The following EFCAB8 variants were observed in gnomAD, a reference collection of about 807,000 sequenced individuals.
EFCAB8 encodes EF-hand calcium binding domain 8, also known as EF-hand calcium-binding domain-containing protein 8.
A neutral mutation model predicts 116.3 loss-of-function variants in EFCAB8; 100 were observed. That is an observed-to-expected ratio of 0.86 (90% CI 0.73 to 1.02). The LOEUF (loss-of-function observed/expected upper bound fraction) is 1.02, where lower values mean the gene tolerates loss of function less well. Ranked by LOEUF, EFCAB8 falls within the 50% of genes least tolerant of loss-of-function variation. The pLI is 0.00. For synonymous variants in EFCAB8, 558 were observed against 567.9 expected, an observed-to-expected ratio of 0.98 and a Z score of 0.25; for missense variants, 1,320 against 1,416.9, an observed-to-expected ratio of 0.93 and a Z score of 1.10.
At chr20:32,936,436 TAC>T (rs1240776038) in intron 22 of EFCAB8, among the ~76,000 whole-genome samples, 2 of 152,210 alleles carry the variant, frequency 1.3e-5, no homozygotes, top group Admixed American at 6.6e-5. Context: ...CTAGTTGTTT[TAC>T]AGTCTCAGAT....
chr20:32,942,116 A>C lies in EFCAB8; in HGVS notation c.2791-1520A>C, dbSNP rs533983731. On this transcript the variant is annotated intron_variant, in intron 22 of 26. Transcript: ENST00000400522. ...TCTTTGACAACCTAAAGAATTTATT[A>C]GTGGTATTCATCTGAGGATCCTCTA... Among the ~76,000 whole-genome samples the C allele has an allele frequency of 1.4e-3, 209 of 152,296 alleles. 1 individual carries two copies. The highest frequency in any genetic ancestry group is 4.5e-3 in the Admixed American group (69 of 15,306).
chr20:32,885,693 C>T, intron 6 of EFCAB8, 53 bp downstream of exon 6: 2 of 1,538,242 alleles, frequency 1.3e-6, no homozygotes, highest in South Asian at 1.2e-5. Context: ...AGAGCCTCTG[C>T]CTTAGCACCC....
At position 32,911,783 on chromosome 20, in the gene EFCAB8, C is replaced by T. The variant is rs545862501; in HGVS notation, c.1785+76C>T. 5 of 1,423,660 alleles carry T rather than the reference C, an allele frequency of 3.5e-6. No homozygotes were observed. In the South Asian group the frequency reaches 6.2e-5, roughly 18 times the overall value. The allele number at this position is 1,423,660 out of a possible 1,614,324, so 88.2% of individuals were successfully genotyped here. A position where few individuals can be genotyped will look rare whatever the true frequency, so the allele number is the denominator to read the frequency against. On this transcript the variant is annotated intron_variant, in intron 16 of 26. Transcript: ENST00000400522. The stretch of plus-strand genomic sequence containing the variant: ...GCACAGCTCCTTTGACCCTGGGATG[C>T]ACTATTTTTTGTACCTCTCTGAAAG...
Position 32,961,624 on chromosome 20 carries a change from T to C in EFCAB8, c.*15T>C. ...TCAGGTTCTGAGGTGCTCCGCTGTC[T>C]TCTCTAGTCCTCCAGCAGGGCAACC... On this transcript the variant is annotated 3_prime_UTR_variant, in exon 27 of 27. Transcript: ENST00000400522. 7.8e-7 allele frequency: 1 copy of C among 1,277,480 alleles called. No individual in the cohort carries two copies. Among genetic ancestry groups the C allele is most frequent in the Non-Finnish European group, 9.9e-7 (1 of 1,006,774 alleles). The allele number at this position is 1,277,480 out of a possible 1,614,324, so 79.1% of individuals were successfully genotyped here. A position where few individuals can be genotyped will look rare whatever the true frequency, so the allele number is the denominator to read the frequency against.
chr20:32,880,291 C>T (rs1985260488), intron 5 of EFCAB8, among the ~76,000 whole-genome samples: 1 of 148,334 alleles, frequency 6.7e-6, no homozygotes, highest in African/African-American at 2.5e-5. Context: ...TTTTTTGAGA[C>T]AGAGTCTCAC....
At chr20:32,939,510 C>T (rs1488804062) in intron 22 of EFCAB8, among the ~76,000 whole-genome samples, 2 of 147,198 alleles carry the variant, frequency 1.4e-5, no homozygotes, top group Non-Finnish European at 3.0e-5. Context: ...GTCTCAAACT[C>T]CTGACTTTGT....
rs111341382 is a variant in EFCAB8 at position 32,887,180 on chromosome 20, T to G, written c.567+1540T>G. 8.7e-3 allele frequency among the ~76,000 whole-genome samples: 1,326 copies of G among 152,344 alleles called. 24 individuals are homozygous for G. The highest frequency in any genetic ancestry group is 0.03 in the African/African-American group (1,258 of 41,584). On this transcript the variant is annotated intron_variant, in intron 6 of 26. Coordinates refer to ENST00000400522, the MANE Select transcript of EFCAB8 (RefSeq NM_001143967.2). ...TCCCTATCCCTTCTGATTATCCATC[T>G]AGAGGAATTGGTTTACGCTCCTCCC...
Position 32,900,168 on chromosome 20 carries a change from C to T in EFCAB8, c.1088+1545C>T, listed in dbSNP as rs371235668. Among the ~76,000 whole-genome samples the T allele has an allele frequency of 1.9e-3, 284 of 152,240 alleles. 1 individual carries two copies. The highest frequency in any genetic ancestry group is 6.7e-3 in the African/African-American group (279 of 41,538). On this transcript the variant is annotated intron_variant, in intron 11 of 26. Coordinates refer to ENST00000400522, the MANE Select transcript of EFCAB8 (RefSeq NM_001143967.2). ...GGGCAGAAACAGAGGGCCATTTAGACCCATGTCTGTCCCTTTCTGTCCTGG... is the reference window on the plus strand; with the variant it reads ...GGGCAGAAACAGAGGGCCATTTAGATCCATGTCTGTCCCTTTCTGTCCTGG...
chr20:32,954,709 C>G (rs1321563810), intron 23 of EFCAB8, among the ~76,000 whole-genome samples: 1 of 152,092 alleles, frequency 6.6e-6, no homozygotes, highest in African/African-American at 2.4e-5. Context: ...GATGTTTTCT[C>G]TATTTCTAAT....
chr20:32,920,250 C>G, intron 20 of EFCAB8, 35 bp downstream of exon 20: 1 of 1,549,218 alleles, frequency 6.5e-7, no homozygotes, highest in African/African-American at 1.4e-5. Flanking sequence ...GGGATATGAG[C>G]TGGGGAGTGG....
At chr20:32,934,216 GAC>G (rs1988018429) in intron 22 of EFCAB8, among the ~76,000 whole-genome samples, 1 of 151,884 alleles carries the variant, frequency 6.6e-6, no homozygotes, top group Non-Finnish European at 1.5e-5. Flanking sequence ...TTTCTTTCAT[GAC>G]TGGCTTATTT....
chr20:32,908,965 A>C lies in EFCAB8; in HGVS notation c.1446+553A>C, dbSNP rs1484127473. 2.0e-5 allele frequency among the ~76,000 whole-genome samples: 3 copies of C among 152,170 alleles called. 1 individual carries two copies. Among genetic ancestry groups the C allele is most frequent in the Non-Finnish European group, 4.4e-5 (3 of 68,004 alleles). ...CCTGGAGGACAGGAAAGATTGGGAC[A>C]AGCACGAGGGGCTTCCTGTGGAGGA... On this transcript the variant is annotated intron_variant, in intron 14 of 26. Transcript: ENST00000400522.
At chr20:32,868,746 A>G (rs1984546534) in intron 3 of EFCAB8, among the ~76,000 whole-genome samples, 1 of 152,134 alleles carries the variant, frequency 6.6e-6, no homozygotes, top group Non-Finnish European at 1.5e-5. Context: ...ACAGTTTGAG[A>G]GGCCAAGGCG....
Position 32,917,382 on chromosome 20 carries a change from CCG to C in EFCAB8, c.1939_1940del (p.Arg647GlufsTer31). ...TEDILSMAKY[R>X]NQFLGTSSYS... ...AGGACATCCTGAGCATGGCCAAGTA[CCG>C]GAACCAGTTCCTTGGGACCTCCTCC... On this transcript the variant is annotated frameshift_variant, in exon 18 of 27. Transcript: ENST00000400522. LOFTEE classifies it high-confidence loss of function. The C allele has an allele frequency of 1.9e-6, 3 of 1,551,888 alleles. No individual in the cohort carries two copies. The highest frequency in any genetic ancestry group is 2.6e-6 in the Non-Finnish European group (3 of 1,147,006).
chr20:32,875,653 C>T (rs1287816614), intron 3 of EFCAB8, among the ~76,000 whole-genome samples: 4 of 151,618 alleles, frequency 2.6e-5, no homozygotes, highest in Admixed American at 1.3e-4. Flanking sequence ...TGCAGGTACC[C>T]ACCACTGTGC....
rs570914862 is a variant in EFCAB8 at position 32,915,193 on chromosome 20, C to T, written c.1857-2108C>T. On this transcript the variant is annotated intron_variant, in intron 17 of 26. Transcript: ENST00000400522. ...ACTGGGTTACAGGCATGTACCACTGCTCCTGGATTCTGCTTCCTTTTTGAT... is the reference window on the plus strand; with the variant it reads ...ACTGGGTTACAGGCATGTACCACTGTTCCTGGATTCTGCTTCCTTTTTGAT... Among the ~76,000 whole-genome samples the T allele has an allele frequency of 1.9e-4, 29 of 152,338 alleles. No individual in the cohort carries two copies. In the South Asian group the frequency reaches 5.8e-3, roughly 30 times the overall value.
chr20:32,866,904 CTT>C (rs1984447247), intron 2 of EFCAB8, among the ~76,000 whole-genome samples: 2 of 145,480 alleles, frequency 1.4e-5, no homozygotes, highest in African/African-American at 5.1e-5. Context: ...CTCTCTCTCT[CTT>C]TCTTTCTTTC....
In EFCAB8 at chr20:32,867,572, T is replaced by A. The variant is rs1200450942; in HGVS notation, c.43-10T>A. The A allele has an allele frequency of 6.4e-7, 1 of 1,550,664 alleles. No individual in the cohort carries two copies. The highest frequency in any genetic ancestry group is 1.4e-5 in the African/African-American group (1 of 73,006). On this transcript the variant is annotated splice_polypyrimidine_tract_variant and intron_variant, in intron 2 of 26. Coordinates refer to ENST00000400522, the MANE Select transcript of EFCAB8 (RefSeq NM_001143967.2). Reference sequence around the variant, plus strand: ...CGCTCAGTCCCTGGTTCTTGTTATATTCGTTCCAGCTGTCCATCCCACATG... The same window carrying A: ...CGCTCAGTCCCTGGTTCTTGTTATAATCGTTCCAGCTGTCCATCCCACATG...
At chr20:32,925,949 G>A (rs1017425564) in intron 20 of EFCAB8, among the ~76,000 whole-genome samples, 20 of 152,222 alleles carry the variant, frequency 1.3e-4, no homozygotes, top group African/African-American at 4.8e-4. Flanking sequence ...AAGGAATAGT[G>A]TTGGTTACCT....
Sources: allele counts gnomAD v4.1 joint callset (sites outside exome capture counted in the v4.1 genomes callset), GRCh38; gene constraint gnomAD v4.1.1; transcripts MANE v1.5; gene names NCBI Gene and HGNC (gene_info 2026-07-23, HGNC 2026-07-21).